Variants in SENP2 observed in about 807,000 individuals in gnomAD.
SENP2 encodes the protein SUMO specific peptidase 2.
Under a neutral mutation model 86.3 loss-of-function variants are expected in SENP2, and 16 were observed. That is an observed-to-expected ratio of 0.19 (90% CI 0.13 to 0.28). The LOEUF is 0.28. SENP2 is among the 10% of genes least tolerant of loss of function. The pLI is 1.00. For synonymous variants in SENP2, 222 were observed against 238.7 expected, an observed-to-expected ratio of 0.93 and a Z score of 0.64; for missense variants, 552 against 703.0, an observed-to-expected ratio of 0.79 and a Z score of 2.43.
At chr3:185,589,074 A>T (rs1158150634) in intron 1 of SENP2, among the ~76,000 whole-genome samples, 4 of 145,626 alleles carry the variant, frequency 2.7e-5, no homozygotes, top group Admixed American at 2.1e-4. Flanking sequence ...CATTCTATTC[A>T]TTTTTTTTTT....
chr3:185,628,338 T>C (rs912878195), intron 16 of SENP2, among the ~76,000 whole-genome samples: 32 of 152,152 alleles, frequency 2.1e-4, no homozygotes, highest in Non-Finnish European at 1.5e-4. Flanking sequence ...GGTTTCACCA[T>C]ATTGGCCAGG....
chr3:185,606,266 G>C, intron 5 of SENP2, 64 bp from the exon 6 acceptor site: 1 of 1,455,302 alleles, frequency 6.9e-7, no homozygotes, highest in Non-Finnish European at 9.3e-7. Flanking sequence ...TGGTCTGGGA[G>C]CTTAGATTCC....
Position 185,592,260 on chromosome 3 carries a change from G to T in SENP2, c.157+2091G>T, listed in dbSNP as rs916119315. Reference sequence around the variant, plus strand: ...CACCTGGCAAATTATTTTGTATGTGGATACTGAGTCTCCATATGTTGCCCA... The same window carrying T: ...CACCTGGCAAATTATTTTGTATGTGTATACTGAGTCTCCATATGTTGCCCA... On this transcript the variant is annotated intron_variant, in intron 2 of 16. Coordinates refer to ENST00000296257, the MANE Select transcript of SENP2 (RefSeq NM_021627.3). 2.0e-5 allele frequency among the ~76,000 whole-genome samples: 3 copies of T among 151,376 alleles called. No individual in the cohort carries two copies. In the South Asian group the frequency reaches 6.3e-4, roughly 32 times the overall value.
chr3:185,629,101 TTAAA>T (rs1712291671), intron 16 of SENP2, among the ~76,000 whole-genome samples: 2 of 152,178 alleles, frequency 1.3e-5, no homozygotes, highest in Admixed American at 6.6e-5. Context: ...TGTTTTTTAT[TTAAA>T]TAAATACGTT....
At chr3:185,606,305 T>G (rs1347324072) in intron 5 of SENP2, 25 bp from the exon 6 acceptor site, 1 of 1,572,298 alleles carries the variant, frequency 6.4e-7, no homozygotes, top group Non-Finnish European at 8.6e-7. Context: ...GTGATACTTT[T>G]TTTCTTTTTT....
intron 1 of SENP2, among the ~76,000 whole-genome samples, chr3:185,587,626 G>A (rs1405117260): frequency 7.1e-6 from 1 of 140,134 alleles, no homozygotes; most frequent in Non-Finnish European, 1.5e-5. Context: ...GAGTGCAGTG[G>A]CGCAATCTCG....
At chr3:185,620,687 G>A (rs1039618449) in intron 13 of SENP2, among the ~76,000 whole-genome samples, 2 of 149,808 alleles carry the variant, frequency 1.3e-5, no homozygotes, top group African/African-American at 2.5e-5. Context: ...CTCGTGATCC[G>A]CCACCTCAGC....
chr3:185,622,582 A>G lies in SENP2; in HGVS notation c.1526+677A>G, dbSNP rs1405254365. Among the ~76,000 whole-genome samples the G allele has an allele frequency of 2.6e-5, 4 of 152,256 alleles. No individual in the cohort carries two copies. The East Asian group carries it at 7.7e-4, about 29-fold the overall frequency. On this transcript the variant is annotated intron_variant, in intron 14 of 16. Transcript: ENST00000296257. ...TTATTTATGGTTGTTTATCTTGAAT[A>G]AAAAGCATAGAGAAGAAAATTCTAA...
At chr3:185,617,705 G>A in intron 12 of SENP2, 94 bp downstream of exon 12, 2 of 976,484 alleles carry the variant, frequency 2.0e-6, no homozygotes, top group South Asian at 2.2e-5. Flanking sequence ...TAATGGGTTG[G>A]TAATGCAACT....
At chr3:185,587,026 G>C (rs1721805525) in intron 1 of SENP2, among the ~76,000 whole-genome samples, 1 of 152,198 alleles carries the variant, frequency 6.6e-6, no homozygotes, top group Non-Finnish European at 1.5e-5. Context: ...TAGAATTAGT[G>C]AATGAGTAAA....
rs374000966 is a variant in SENP2 at position 185,631,096 on chromosome 3, A to T, written c.*1252A>T. ...AATAAAAGGTGGTCTGGCAGAACCT[A>T]AAAAAGTATATGCTGAAATGATTTC... On this transcript the variant is annotated 3_prime_UTR_variant, in exon 17 of 17. Transcript: ENST00000296257. The T allele has an allele frequency of 6.8e-6, 1 of 146,236 alleles. No individual in the cohort carries two copies. Among genetic ancestry groups the T allele is most frequent in the African/African-American group, 2.8e-5 (1 of 35,832 alleles). The allele number at this position is 146,236 out of a possible 1,614,324, so 9.1% of individuals were successfully genotyped here.
intron 6 of SENP2, 157 bp downstream of exon 6, chr3:185,606,655 G>A: frequency 1.5e-6 from 1 of 653,254 alleles, no homozygotes; most frequent in Non-Finnish European, 2.5e-6. Flanking sequence ...AAACCCAGAT[G>A]CACCAAAAAT....
intron 1 of SENP2, among the ~76,000 whole-genome samples, chr3:185,587,673 TCTC>T (rs1721834236): frequency 6.8e-6 from 1 of 147,352 alleles, no homozygotes; most frequent in South Asian, 2.2e-4. Context: ...GTCACGCCAT[TCTC>T]CTGCCTCAGC....
In SENP2 at chr3:185,633,394, T is replaced by TACTA. The variant is rs1311745249; in HGVS notation, c.*3554_*3557dup. On this transcript the variant is annotated 3_prime_UTR_variant, in exon 17 of 17. Coordinates refer to ENST00000296257, the MANE Select transcript of SENP2 (RefSeq NM_021627.3). ...GATATTCAAACAAACTTATGGTACTTACTAACTCATTTGTAAATTGGCGAT... is the reference window on the plus strand; with the variant it reads ...GATATTCAAACAAACTTATGGTACTTACTAACTAACTCATTTGTAAATTGGCGAT... 7.7e-6 allele frequency: 1 copy of TACTA among 129,546 alleles called. No homozygotes were observed. The highest frequency in any genetic ancestry group is 7.8e-5 in the Admixed American group (1 of 12,814). The allele number at this position is 129,546 out of a possible 1,614,324, so 8.0% of individuals were successfully genotyped here. A position where few individuals can be genotyped will look rare whatever the true frequency, so the allele number is the denominator to read the frequency against.
intron 5 of SENP2, among the ~76,000 whole-genome samples, chr3:185,604,124 A>T (rs993034884): frequency 1.3e-5 from 2 of 152,218 alleles, no homozygotes; most frequent in Non-Finnish European, 1.5e-5. Flanking sequence ...CCGTCTCAAA[A>T]AAATAAATAA....
chr3:185,589,271 T>C (rs1721901273), intron 1 of SENP2, among the ~76,000 whole-genome samples: 2 of 152,156 alleles, frequency 1.3e-5, no homozygotes, highest in Admixed American at 1.3e-4. Context: ...AGATTTGTCT[T>C]TTTTAAGTTG....
In SENP2 at chr3:185,586,333, C is replaced by G. The variant is rs1721778355; in HGVS notation, c.-81C>G. The stretch of plus-strand genomic sequence containing the variant: ...CGAACTCTGGCGGTGGTGGTTAAGA[C>G]GGCGAAGGCGGCAGCGGCGGCGACA... On this transcript the variant is annotated 5_prime_UTR_variant, in exon 1 of 17. Coordinates refer to ENST00000296257, the MANE Select transcript of SENP2 (RefSeq NM_021627.3). The surrounding 1 kb of genome is among the most constrained non-coding windows in gnomAD (Gnocchi z 4.3). 3 of 1,592,872 alleles carry G rather than the reference C, an allele frequency of 1.9e-6. No individual in the cohort carries two copies. Among genetic ancestry groups the G allele is most frequent in the Non-Finnish European group, 8.5e-7 (1 of 1,170,186 alleles).
In SENP2 at chr3:185,626,722, G is replaced by A. The variant is rs569701512; in HGVS notation, c.1707+329G>A. On this transcript the variant is annotated intron_variant, in intron 16 of 16. Transcript: ENST00000296257. ...CAGGAGGTGGAGGTTGCAGTGAGCC[G>A]AGGTCGCACCAGTGCACTCCAGCCT... Among the ~76,000 whole-genome samples the A allele has an allele frequency of 6.4e-4, 97 of 151,930 alleles. 1 individual carries two copies. Among genetic ancestry groups the A allele is most frequent in the African/African-American group, 2.1e-3 (87 of 41,422 alleles).
intron 6 of SENP2, 184 bp from the exon 7 acceptor site, chr3:185,609,063 T>G: frequency 2.0e-6 from 1 of 507,664 alleles, no homozygotes; most frequent in Non-Finnish European, 3.5e-6. Context: ...TACATATAGA[T>G]TGTGGATTCA....
Sources: gnomAD v4.1 joint callset for allele counts (sites outside exome capture counted in the v4.1 genomes callset) on GRCh38, gnomAD v4.1.1 for gene constraint, Gnocchi (gnomAD v3.1) non-coding constraint, MANE v1.5 for transcripts, NCBI Gene and HGNC (gene_info 2026-07-23, HGNC 2026-07-21) for gene names.